SVOP: variants seen among roughly 807,000 people sequenced by gnomAD.
The protein encoded by SVOP is synaptic vesicle 2-related protein.
Under a neutral mutation model 69.1 loss-of-function variants are expected in SVOP, and 17 were observed. The ratio of observed to expected loss-of-function variants is 0.25; its 90% CI spans 0.17 to 0.37. SVOP has a LOEUF of 0.37. Among genes scored for constraint, SVOP ranks in the 10% least tolerant of loss-of-function variants. SVOP has a pLI of 1.00. For missense variants in SVOP, 435 were observed against 597.5 expected (o/e 0.73, Z 2.84); for synonymous variants, 238 against 238.6 (o/e 1.00, Z 0.02).
intron 4 of SVOP, among the ~76,000 whole-genome samples, chr12:108,974,082 G>A (rs1403322993): frequency 1.3e-5 from 2 of 152,158 alleles, no homozygotes; most frequent in East Asian, 3.9e-4. Flanking sequence ...AAAATCAAGT[G>A]GCATTAGTTT....
rs538448739 is a variant in SVOP, at chr12:108,941,806, C to T, written c.643-897G>A. On this transcript the variant is annotated intron_variant, in intron 7 of 15. Coordinates refer to ENST00000610966, the MANE Select transcript of SVOP (RefSeq NM_018711.5). ...CCTCCCGAGTAGCTGGGATTACAGG[C>T]GCCCCCCTCAACCACACCCAGCTAA... 1.5e-4 allele frequency among the ~76,000 whole-genome samples: 23 copies of T among 151,810 alleles called. No individual in the cohort carries two copies. The East Asian group carries it at 3.5e-3, about 23-fold the overall frequency.
chr12:108,995,722 G>A (rs2040228080), intron 1 of SVOP, among the ~76,000 whole-genome samples: 1 of 152,028 alleles, frequency 6.6e-6, no homozygotes, highest in African/African-American at 2.4e-5. Flanking sequence ...CCAACATGGT[G>A]AAACCCTGTC....
chr12:109,009,891 A>G (rs1312396694), intron 1 of SVOP, among the ~76,000 whole-genome samples: 2 of 152,248 alleles, frequency 1.3e-5, no homozygotes, highest in East Asian at 3.9e-4. Flanking sequence ...ACTACAAAGT[A>G]TTGTCTGGTC....
intron 1 of SVOP, among the ~76,000 whole-genome samples, chr12:109,003,371 G>C (rs1245719899): frequency 6.6e-6 from 1 of 152,208 alleles, no homozygotes; most frequent in Non-Finnish European, 1.5e-5. Context: ...CTAGTTGATG[G>C]AACAGCATGC....
At chr12:108,916,119 G>C (rs998318819) in intron 14 of SVOP, among the ~76,000 whole-genome samples, 3 of 152,156 alleles carry the variant, frequency 2.0e-5, no homozygotes, top group South Asian at 2.1e-4. Context: ...TCCTGGGGGG[G>C]GCTCCCCAAA....
At chr12:108,985,380 A>G (rs1303539647) in intron 1 of SVOP, among the ~76,000 whole-genome samples, 2 of 152,138 alleles carry the variant, frequency 1.3e-5, no homozygotes, top group African/African-American at 4.8e-5. Context: ...AAAGGAAAAT[A>G]AAAAAGTCTG....
chr12:108,932,571 A>G (rs1310394510), intron 11 of SVOP, among the ~76,000 whole-genome samples: 3 of 152,180 alleles, frequency 2.0e-5, no homozygotes, highest in African/African-American at 7.2e-5. Flanking sequence ...CAAACCAAAA[A>G]TGAAATCCTA....
Position 109,021,005 on chromosome 12 carries a change from A to G in SVOP, c.-137T>C. 1.7e-6 allele frequency: 1 copy of G among 585,540 alleles called. No individual in the cohort carries two copies. Among genetic ancestry groups the G allele is most frequent in the South Asian group, 2.0e-5 (1 of 50,512 alleles). 36.3% of individuals were successfully genotyped at this position (585,540 alleles called of 1,614,324 possible). On this transcript the variant is annotated 5_prime_UTR_variant, in exon 1 of 16. Coordinates refer to ENST00000610966, the MANE Select transcript of SVOP (RefSeq NM_018711.5). Reference sequence around the variant, plus strand: ...TCCCTGGAGCAGCAGCTGTTCGGGGAGGGAGCCGCTGGGGACCAGCCCACG... The same window carrying G: ...TCCCTGGAGCAGCAGCTGTTCGGGGGGGGAGCCGCTGGGGACCAGCCCACG...
At chr12:108,984,660 A>G (rs1459219509) in intron 1 of SVOP, among the ~76,000 whole-genome samples, 1 of 152,154 alleles carries the variant, frequency 6.6e-6, no homozygotes, top group Non-Finnish European at 1.5e-5. Flanking sequence ...TGTCCTTCAA[A>G]CTATGCTGTT....
chr12:108,943,766 C>A (rs1449727610), intron 7 of SVOP, among the ~76,000 whole-genome samples: 1 of 152,020 alleles, frequency 6.6e-6, no homozygotes, highest in East Asian at 1.9e-4. Flanking sequence ...GGTCTAGATA[C>A]ATTTCCTTTT....
At position 108,932,728 on chromosome 12, in the gene SVOP, C is replaced by A. The variant is rs1456003747; in HGVS notation, c.1048+1467G>T. 2.9e-4 allele frequency among the ~76,000 whole-genome samples: 44 copies of A among 152,030 alleles called. 1 individual carries two copies. Among genetic ancestry groups the A allele is most frequent in the Admixed American group, 2.9e-3 (44 of 15,270 alleles). ...CTCTTGGAGTTTAGGCACAGCTGACCAGCATTAACATTAAAACAAAGATCG... is the reference window on the plus strand; with the variant it reads ...CTCTTGGAGTTTAGGCACAGCTGACAAGCATTAACATTAAAACAAAGATCG... On this transcript the variant is annotated intron_variant, in intron 11 of 15. Transcript: ENST00000610966.
intron 6 of SVOP, among the ~76,000 whole-genome samples, chr12:108,958,833 C>A (rs987582350): frequency 2.0e-5 from 3 of 151,888 alleles, no homozygotes; most frequent in Non-Finnish European, 4.4e-5. Context: ...AAAGGCCTAG[C>A]CCCCCCGCCC....
At chr12:108,923,291 T>C (rs2039761172) in intron 11 of SVOP, among the ~76,000 whole-genome samples, 1 of 152,156 alleles carries the variant, frequency 6.6e-6, no homozygotes, top group South Asian at 2.1e-4. Context: ...TGCAGGACTG[T>C]CTCTTATGCT....
At chr12:108,941,105 T>C (rs2039888954) in intron 7 of SVOP, among the ~76,000 whole-genome samples, 196 bp from the exon 8 acceptor site, 1 of 152,176 alleles carries the variant, frequency 6.6e-6, no homozygotes, top group African/African-American at 2.4e-5. Flanking sequence ...AAGGGTACCA[T>C]TATACACTGT....
rs867449225 is a variant in SVOP at position 108,927,166 on chromosome 12, C to T, written c.1049-4369G>A. Among the ~76,000 whole-genome samples, 5 of 152,184 alleles carry T rather than the reference C, an allele frequency of 3.3e-5. No homozygotes were observed. The South Asian group carries it at 8.3e-4, about 25-fold the overall frequency. The stretch of plus-strand genomic sequence containing the variant: ...CCTGGGGGATTGGGGGCTTGAGGAA[C>T]TGGTGTAGGAAAATGCCGATACTCT... On this transcript the variant is annotated intron_variant, in intron 11 of 15. Transcript: ENST00000610966.
chr12:108,970,669 G>T (rs946845220), intron 5 of SVOP, among the ~76,000 whole-genome samples: 4 of 152,300 alleles, frequency 2.6e-5, no homozygotes, highest in African/African-American at 9.6e-5. Context: ...TGTCAGAAAT[G>T]CTACACTCGG....
chr12:108,995,466 A>G (rs1283845170), intron 1 of SVOP, among the ~76,000 whole-genome samples: 1 of 152,196 alleles, frequency 6.6e-6, no homozygotes, highest in Non-Finnish European at 1.5e-5. Flanking sequence ...TCACAGATGT[A>G]GAAAGCAGGA....
intron 1 of SVOP, among the ~76,000 whole-genome samples, chr12:109,003,601 C>T (rs545351163): frequency 6.6e-6 from 1 of 152,206 alleles, no homozygotes; most frequent in South Asian, 2.1e-4. Flanking sequence ...GGCTTAGCTC[C>T]CTGCAGTTTT....
intron 6 of SVOP, among the ~76,000 whole-genome samples, chr12:108,953,667 A>T (rs2039969415): frequency 6.6e-6 from 1 of 152,368 alleles, no homozygotes; most frequent in East Asian, 1.9e-4. Context: ...AGCCATTTTT[A>T]TAACTAGATA....
Sources: gnomAD v4.1 joint callset for allele counts (sites outside exome capture counted in the v4.1 genomes callset) on GRCh38, gnomAD v4.1.1 for gene constraint, MANE v1.5 for transcripts, NCBI Gene and HGNC (gene_info 2026-07-23, HGNC 2026-07-21) for gene names.